Variants in ADAM15 observed in about 807,000 individuals in gnomAD.
ADAM15 encodes the protein disintegrin and metalloproteinase domain-containing protein 15.
Under a neutral mutation model 113.8 loss-of-function variants are expected in ADAM15, and 77 were observed. The observed-to-expected ratio is 0.68, with a 90% CI of 0.56 to 0.82. The LOEUF is 0.82. Ranked by LOEUF, ADAM15 falls within the 40% of genes least tolerant of loss-of-function variation. The pLI is 0.00. For missense variants in ADAM15, 963 were observed against 1,120.1 expected, an observed-to-expected ratio of 0.86 and a Z score of 2.00; for synonymous variants, 388 against 454.1, an observed-to-expected ratio of 0.85 and a Z score of 1.85.
intron 3 of ADAM15, among the ~76,000 whole-genome samples, 191 bp downstream of exon 3, chr1:155,053,684 C>T (rs1280833206): frequency 2.0e-5 from 3 of 152,116 alleles, no homozygotes; most frequent in African/African-American, 7.2e-5. Flanking sequence ...AATAACTTGC[C>T]CCAGGTCACA....
At chr1:155,061,366 C>G (rs1265300906) in intron 19 of ADAM15, 49 bp from the exon 20 acceptor site, 1 of 1,550,426 alleles carries the variant, frequency 6.4e-7, no homozygotes, top group Non-Finnish European at 8.9e-7. Context: ...CTCTGTCTCT[C>G]TGCTTCCTCT....
rs1662384791 is a variant in ADAM15, at chr1:155,060,210, A to G, written c.2074A>G (p.Ser692Gly). The change falls in exon 18 of 23, where the codon AGC (serine) becomes GGC (glycine). Residue 692 changes from serine (S) to glycine (G), a missense_variant. Coordinates refer to ENST00000356955, the MANE Select transcript of ADAM15 (RefSeq NM_207197.3). ...AACCTGACTTCCGCCCACAGCAACC[A>G]GCTCCCTGACCACAGGGCTGCTCCT... ...PDCTTQLKATSSLTTGLLLSL... is the reference protein window; with the variant it reads ...PDCTTQLKATGSLTTGLLLSL... 6.2e-7 allele frequency: 1 copy of G among 1,613,774 alleles called. No homozygotes were observed. The highest frequency in any genetic ancestry group is 1.3e-5 in the African/African-American group (1 of 74,996).
Position 155,057,496 on chromosome 1 carries a change from G to T in ADAM15, c.1323+134G>T. On this transcript the variant is annotated intron_variant, in intron 12 of 22. Coordinates refer to ENST00000356955, the MANE Select transcript of ADAM15 (RefSeq NM_207197.3). This position sits in a 1 kb window ranked among gnomAD's most constrained non-coding sequence, Gnocchi z 5.0. ...CCCTCTCCTACTTGCCCTGTCTGTGGGGACAGCACATGGGTTGTTGGGCTC... is the reference window on the plus strand; with the variant it reads ...CCCTCTCCTACTTGCCCTGTCTGTGTGGACAGCACATGGGTTGTTGGGCTC... The T allele has an allele frequency of 6.7e-7, 1 of 1,484,722 alleles. No individual in the cohort carries two copies. The highest frequency in any genetic ancestry group is 2.3e-5 in the East Asian group (1 of 43,644). The allele number at this position is 1,484,722 out of a possible 1,614,324, so 92.0% of individuals were successfully genotyped here. A position where few individuals can be genotyped will look rare whatever the true frequency, so the allele number is the denominator to read the frequency against.
intron 6 of ADAM15, chr1:155,055,505 C>T (rs947582903): frequency 2.4e-6 from 1 of 421,762 alleles, no homozygotes; most frequent in East Asian, 5.2e-5. Context: ...AGATTACAGG[C>T]GTGAGCCACC....
intron 3 of ADAM15, 87 bp downstream of exon 3, chr1:155,053,580 T>C (rs1306443337): frequency 7.2e-7 from 1 of 1,389,580 alleles, no homozygotes; most frequent in African/African-American, 1.4e-5. Flanking sequence ...GTGCTTGTGC[T>C]CATTTAATCC....
At chr1:155,051,731 G>C (rs1399306556) in intron 1 of ADAM15, 8 of 374,576 alleles carry the variant, frequency 2.1e-5, no homozygotes, top group Non-Finnish European at 3.4e-5. Context: ...TCAGGTACCA[G>C]GTACCGAGGG....
At position 155,057,618 on chromosome 1, in the gene ADAM15, C is replaced by G. The variant is rs760539034; in HGVS notation, c.1324-19C>G. Reference sequence around the variant, plus strand: ...GCCCCACCTGCTCTGATGCCCGGCCCCCGTGCTCCTGCCCACAGGACTGCG... The same window carrying G: ...GCCCCACCTGCTCTGATGCCCGGCCGCCGTGCTCCTGCCCACAGGACTGCG... On this transcript the variant is annotated intron_variant, in intron 12 of 22. Coordinates refer to ENST00000356955, the MANE Select transcript of ADAM15 (RefSeq NM_207197.3). This position sits in a 1 kb window ranked among gnomAD's most constrained non-coding sequence, Gnocchi z 5.0. 2.9e-5 allele frequency: 47 copies of G among 1,613,664 alleles called. No individual in the cohort carries two copies. The highest frequency in any genetic ancestry group is 3.9e-5 in the Non-Finnish European group (46 of 1,179,756).
intron 3 of ADAM15, 40 bp downstream of exon 3, chr1:155,053,533 A>C (rs2102388996): frequency 6.2e-7 from 1 of 1,600,244 alleles, no homozygotes. Flanking sequence ...CACATGGCCA[A>C]CAACTTGTAT....
rs747759331 is a variant in ADAM15, at chr1:155,056,411, G to T, written c.940G>T (p.Val314Leu). 1 of 1,614,164 alleles carries T rather than the reference G, an allele frequency of 6.2e-7. No homozygotes were observed. The highest frequency in any genetic ancestry group is 2.2e-5 in the East Asian group (1 of 44,882). Residue 314 changes from valine (V) to leucine (L), a missense_variant, in exon 10 of 23, where the codon GTG becomes TTG. Val to Leu is a conservative substitution (Grantham distance 32, BLOSUM62 1). Coordinates refer to ENST00000356955, the MANE Select transcript of ADAM15 (RefSeq NM_207197.3). The surrounding 1 kb of genome is among the most constrained non-coding windows in gnomAD (Gnocchi z 4.0). The part of the protein sequence containing the change: ...VTGTSFSGPT[V>L]GMAIQNSICS... ...TGGTACTTCATTCTCTGGGCCTACG[G>T]TGGGCATGGCCATTCAGAACTCCAT... is the stretch of plus-strand genomic sequence containing the variant.
rs773668716 is a variant in ADAM15 at position 155,056,008 on chromosome 1, C to T, written c.744+8C>T. Reference sequence around the variant, plus strand: ...GCCCTCTTGCTGGACACAGTGAGTGCTGGACAGGGCAACCCCCACCCCAGG... The same window carrying T: ...GCCCTCTTGCTGGACACAGTGAGTGTTGGACAGGGCAACCCCCACCCCAGG... On this transcript the variant is annotated splice_region_variant and intron_variant, in intron 8 of 22. Coordinates refer to ENST00000356955, the MANE Select transcript of ADAM15 (RefSeq NM_207197.3). This position sits in a 1 kb window ranked among gnomAD's most constrained non-coding sequence, Gnocchi z 4.0. 1.9e-6 allele frequency: 3 copies of T among 1,613,498 alleles called. No homozygotes were observed. The South Asian group carries it at 3.3e-5, about 18-fold the overall frequency.
rs767907288 is a variant in ADAM15, at chr1:155,062,433, C to CT, written c.2550-21dup. ...ACCTGGGGGAAAGGGGCCTCTGACT[C>CT]TTTTTTCTTGGCTTCCCGCAATCCA... is the stretch of plus-strand genomic sequence containing the variant. On this transcript the variant is annotated intron_variant, in intron 22 of 22. Transcript: ENST00000356955. This position sits in a 1 kb window ranked among gnomAD's most constrained non-coding sequence, Gnocchi z 7.0. The CT allele has an allele frequency of 2.0e-5, 33 of 1,613,028 alleles. No homozygotes were observed. The African/African-American group carries it at 2.3e-4, about 11-fold the overall frequency.
chr1:155,052,339 T>TG, intron 1 of ADAM15: 3 of 576,228 alleles, frequency 5.2e-6, no homozygotes, highest in South Asian at 2.1e-5. Context: ...GTTCCTGAAG[T>TG]GGGGGGAGAG....
chr1:155,059,120 T>G (rs1662191885), intron 16 of ADAM15, among the ~76,000 whole-genome samples: 1 of 152,070 alleles, frequency 6.6e-6, no homozygotes, highest in Admixed American at 6.6e-5. Context: ...TAGGCTGGAG[T>G]GCGCTGGCGT....
intron 20 of ADAM15, chr1:155,061,692 C>T (rs560323938): frequency 4.9e-5 from 38 of 768,124 alleles, no homozygotes; most frequent in Non-Finnish European, 7.8e-5. Context: ...TGGTCAATGG[C>T]GGGACTGCAG....
chr1:155,053,120 C>CCA (rs1553263789), intron 2 of ADAM15, among the ~76,000 whole-genome samples: 1 of 128,774 alleles, frequency 7.8e-6, no homozygotes, highest in Non-Finnish European at 1.7e-5. Context: ...CCCCCCCCCC[C>CCA]ACCCCATTCT....
At position 155,054,418 on chromosome 1, in the gene ADAM15, C is replaced by T; in HGVS notation, c.524C>T (p.Pro175Leu). The part of the protein sequence containing the change: ...IISRIQDLHL[P>L]GHTCALSWRE... ...TCGCGAATCCAAGATCTCCACCTGC[C>T]AGGCCACACCTGTGCCCTGAGCTGG... Residue 175 changes from proline (P) to leucine (L), a missense_variant, in exon 6 of 23, where the codon CCA (proline) becomes CTA (leucine). Pro to Leu is a moderately conservative substitution (Grantham distance 98, BLOSUM62 -3). Transcript: ENST00000356955. The T allele has an allele frequency of 6.2e-7, 1 of 1,613,994 alleles. No homozygotes were observed. The highest frequency in any genetic ancestry group is 8.5e-7 in the Non-Finnish European group (1 of 1,179,972).
At position 155,057,134 on chromosome 1, in the gene ADAM15, G is replaced by A. The variant is rs1392209136; in HGVS notation, c.1148+33G>A. 6.3e-7 allele frequency: 1 copy of A among 1,581,360 alleles called. No homozygotes were observed. Among genetic ancestry groups the A allele is most frequent in the Non-Finnish European group, 8.6e-7 (1 of 1,161,282 alleles). ...GCTGCAGGATGGAGAGAGGGTGTGG[G>A]GCAGGGGGCAGGGAGAGGCCCCCAG... is the stretch of plus-strand genomic sequence containing the variant. On this transcript the variant is annotated intron_variant, in intron 11 of 22. Coordinates refer to ENST00000356955, the MANE Select transcript of ADAM15 (RefSeq NM_207197.3). The surrounding 1 kb of genome is among the most constrained non-coding windows in gnomAD (Gnocchi z 5.0).
rs751061570 is a variant in ADAM15, at chr1:155,052,696, G to A, written c.105G>A (p.Glu35=). The change falls in exon 2 of 23, where the codon GAG becomes GAA. Residue 35 remains glutamate (E), a synonymous_variant. Transcript: ENST00000356955. ...NIGGTEEQQA[E]SEKAPREPLE... is the part of the protein sequence containing the mutation. ...GTGGCACTGAGGAGCAGCAGGCAGA[G>A]TCAGAGAAGGCCCCGAGGGAGCCCT... 1 of 1,610,474 alleles carries A rather than the reference G, an allele frequency of 6.2e-7. No homozygotes were observed. The highest frequency in any genetic ancestry group is 8.5e-7 in the Non-Finnish European group (1 of 1,178,904).
chr1:155,057,643 G>A lies in ADAM15; in HGVS notation c.1330G>A (p.Val444Ile), dbSNP rs545953118. Residue 444 changes from valine to isoleucine, a missense_variant, in exon 13 of 23, where the codon GTC becomes ATC. Physicochemically the swap from Val to Ile is conservative, Grantham distance 29. Coordinates refer to ENST00000356955, the MANE Select transcript of ADAM15 (RefSeq NM_207197.3). This position sits in a 1 kb window ranked among gnomAD's most constrained non-coding sequence, Gnocchi z 5.0. ...QCDCGFLDDC[V>I]DPCCDSLTCQ... ...CCCGTGCTCCTGCCCACAGGACTGC[G>A]TCGATCCCTGCTGTGATTCTTTGAC... is the stretch of plus-strand genomic sequence containing the variant. The A allele has an allele frequency of 6.8e-6, 11 of 1,614,166 alleles. No homozygotes were observed. Among genetic ancestry groups the A allele is most frequent in the Middle Eastern group, 1.7e-4 (1 of 6,060 alleles).
Sources: gnomAD v4.1 joint callset for allele counts (sites outside exome capture counted in the v4.1 genomes callset) on GRCh38, gnomAD v4.1.1 for gene constraint, Gnocchi (gnomAD v3.1) non-coding constraint, MANE v1.5 for transcripts, NCBI Gene and HGNC (gene_info 2026-07-23, HGNC 2026-07-21) for gene names.